Variants in PRKRA observed in about 807,000 individuals in gnomAD.
PRKRA encodes interferon-inducible double-stranded RNA-dependent protein kinase activator A.
PRKRA carries 22 observed loss-of-function variants against 32.4 expected under a neutral mutation model. The ratio of observed to expected loss-of-function variants is 0.68; its 90% CI spans 0.49 to 0.97. The LOEUF is 0.97. PRKRA is among the 50% of genes least tolerant of loss of function. The pLI, the probability that PRKRA is intolerant of heterozygous loss-of-function variation, is 0.00. For missense variants in PRKRA, 319 were observed against 375.6 expected, an observed-to-expected ratio of 0.85 and a Z score of 1.25; for synonymous variants, 139 against 129.8, an observed-to-expected ratio of 1.07 and a Z score of -0.48.
intron 6 of PRKRA, among the ~76,000 whole-genome samples, chr2:178,438,248 T>C (rs1696981034): frequency 6.6e-6 from 1 of 152,362 alleles, no homozygotes; most frequent in Admixed American, 6.5e-5. Flanking sequence ...GTTTCAAATT[T>C]TTATGTTCAA....
At chr2:178,445,157 T>C (rs1697268917) in intron 3 of PRKRA, among the ~76,000 whole-genome samples, 1 of 152,206 alleles carries the variant, frequency 6.6e-6, no homozygotes, top group African/African-American at 2.4e-5. Flanking sequence ...AATAGATGGC[T>C]TAGATGAATT....
chr2:178,441,792 A>G (rs1247768474), intron 5 of PRKRA, 88 bp from the exon 6 acceptor site: 44 of 836,810 alleles, frequency 5.3e-5, no homozygotes, highest in Non-Finnish European at 6.4e-5. Flanking sequence ...GTGTTTAATC[A>G]GAGAACCTCA....
At chr2:178,435,984 C>T (rs1223377472) in intron 7 of PRKRA, among the ~76,000 whole-genome samples, 161 bp downstream of exon 7, 1 of 152,138 alleles carries the variant, frequency 6.6e-6, no homozygotes, top group Non-Finnish European at 1.5e-5. Context: ...TGGGACATAT[C>T]AATTATATAT....
At chr2:178,446,131 C>T (rs1697305899) in intron 3 of PRKRA, among the ~76,000 whole-genome samples, 1 of 152,102 alleles carries the variant, frequency 6.6e-6, no homozygotes, top group Admixed American at 6.5e-5. Flanking sequence ...TTTTGTGCCT[C>T]AGCCACCCAA....
chr2:178,435,836 T>TA (rs1696869097), intron 7 of PRKRA, among the ~76,000 whole-genome samples: 1 of 152,242 alleles, frequency 6.6e-6, no homozygotes, highest in South Asian at 2.1e-4. Flanking sequence ...ATTTGCTTCA[T>TA]AGAGTTAGTC....
intron 3 of PRKRA, among the ~76,000 whole-genome samples, 158 bp from the exon 4 acceptor site, chr2:178,444,658 G>A (rs559059299): frequency 2.0e-5 from 3 of 151,604 alleles, no homozygotes; most frequent in East Asian, 1.9e-4. Context: ...GAATCTGATC[G>A]GTCATCCAAG....
In PRKRA at chr2:178,441,887, C is replaced by CTT. The variant is rs541455452; in HGVS notation, c.515-185_515-184dup. On this transcript the variant is annotated intron_variant, in intron 5 of 7. Coordinates refer to ENST00000325748, the MANE Select transcript of PRKRA (RefSeq NM_003690.5). Reference sequence around the variant, plus strand: ...TATTTTGTTTGTATAGCTATTAATTCTTTTTTTTTTTTTTTTTGAGACGGA... The same window carrying CTT: ...TATTTTGTTTGTATAGCTATTAATTCTTTTTTTTTTTTTTTTTTTGAGACGGA... Among the ~76,000 whole-genome samples, 1,978 of 131,710 alleles carry CTT rather than the reference C, an allele frequency of 0.015. 67 individuals are homozygous for CTT. Among genetic ancestry groups the CTT allele is most frequent in the African/African-American group, 0.05 (1,738 of 34,770 alleles). 86.4% of individuals were successfully genotyped at this position (131,710 alleles called of 152,430 possible).
intron 3 of PRKRA, among the ~76,000 whole-genome samples, chr2:178,445,119 C>G (rs1261940614): frequency 6.6e-6 from 1 of 152,198 alleles, no homozygotes; most frequent in Non-Finnish European, 1.5e-5. Context: ...TGGGATAATC[C>G]TCTAAGATTT....
intron 2 of PRKRA, among the ~76,000 whole-genome samples, chr2:178,449,693 A>C (rs1473499316): frequency 6.6e-6 from 1 of 152,242 alleles, no homozygotes; most frequent in East Asian, 1.9e-4. Context: ...ATAATATACA[A>C]AATATCTGTT....
At chr2:178,444,342 A>G (rs551544379) in intron 4 of PRKRA, 80 bp downstream of exon 4, 2 of 928,018 alleles carry the variant, frequency 2.2e-6, no homozygotes, top group African/African-American at 3.7e-5. Context: ...TCTTTAAAAT[A>G]TTAATTCCTT....
In PRKRA at chr2:178,443,371, T is replaced by C; in HGVS notation, c.410A>G (p.His137Arg). ...ATATTCAGGAAGTCTCCAGCCATGA[T>C]GAATAGCCAATTCCTATAAAATCAA... is the stretch of plus-strand genomic sequence containing the variant. ...PIGSLQELAI[H>R]HGWRLPEYTL... The change falls in exon 5 of 8, where the codon CAT becomes CGT. Residue 137 changes from histidine to arginine, a missense_variant. Coordinates refer to ENST00000325748, the MANE Select transcript of PRKRA (RefSeq NM_003690.5). 1 of 1,607,804 alleles carries C rather than the reference T, an allele frequency of 6.2e-7. No homozygotes were observed. Among genetic ancestry groups the C allele is most frequent in the South Asian group, 1.1e-5 (1 of 90,914 alleles).
In PRKRA at chr2:178,443,315, T is replaced by A; in HGVS notation, c.466A>T (p.Lys156Ter). The A allele has an allele frequency of 6.2e-7, 1 of 1,613,194 alleles. No individual in the cohort carries two copies. The highest frequency in any genetic ancestry group is 8.5e-7 in the Non-Finnish European group (1 of 1,179,192). ...CTGCAAATTGTAGTATATTCTCTCT[T>A]ATGAGCAGGTCCTCCCTCCTGGGAA... ...TLSQEGGPAHKREYTTICRLE... is the reference protein window; with the variant it reads ...TLSQEGGPAH Residue 156 changes from lysine to a stop codon, truncating the protein, a stop_gained, in exon 5 of 8, where the codon AAG becomes TAG. Coordinates refer to ENST00000325748, the MANE Select transcript of PRKRA (RefSeq NM_003690.5). LOFTEE classifies it high-confidence loss of function.
At position 178,451,122 on chromosome 2, in the gene PRKRA, C is replaced by G; in HGVS notation, c.-92G>C. On this transcript the variant is annotated 5_prime_UTR_variant, in exon 1 of 8. Coordinates refer to ENST00000325748, the MANE Select transcript of PRKRA (RefSeq NM_003690.5). Reference sequence around the variant, plus strand: ...CGCTGGTCCCCGGGAGGAGCTCCAGCGCCGCCACCTCCTCCGACTCCCCCG... The same window carrying G: ...CGCTGGTCCCCGGGAGGAGCTCCAGGGCCGCCACCTCCTCCGACTCCCCCG... 7.1e-7 allele frequency: 1 copy of G among 1,405,812 alleles called. No individual in the cohort carries two copies. The highest frequency in any genetic ancestry group is 9.5e-7 in the Non-Finnish European group (1 of 1,048,702). The allele number at this position is 1,405,812 out of a possible 1,614,324, so 87.1% of individuals were successfully genotyped here. A position where few individuals can be genotyped will look rare whatever the true frequency, so the allele number is the denominator to read the frequency against.
chr2:178,431,750 AAAG>A lies in PRKRA; in HGVS notation c.*344_*346del, dbSNP rs1241110425. The A allele has an allele frequency of 8.9e-6, 3 of 335,450 alleles. No homozygotes were observed. Among genetic ancestry groups the A allele is most frequent in the Non-Finnish European group, 1.1e-5 (2 of 176,586 alleles). 20.8% of individuals were successfully genotyped at this position (335,450 alleles called of 1,614,324 possible). On this transcript the variant is annotated 3_prime_UTR_variant, in exon 8 of 8. Coordinates refer to ENST00000325748, the MANE Select transcript of PRKRA (RefSeq NM_003690.5). ...GAATTCCCTTTATAAAGCTTTGTGC[AAAG>A]AAGAGCTTAAGCACCAGTAAGAAAG...
Position 178,444,627 on chromosome 2 carries a change from T to G in PRKRA, c.318-127A>C, listed in dbSNP as rs887777075. The G allele has an allele frequency of 3.9e-5, 30 of 760,572 alleles. 1 individual carries two copies. Among genetic ancestry groups the G allele is most frequent in the Non-Finnish European group, 4.3e-5 (19 of 442,232 alleles). The allele number at this position is 760,572 out of a possible 1,614,324, so 47.1% of individuals were successfully genotyped here. ...TCATTCCTTCTACATGGAATGCCCT[T>G]TTCTCAGACCTCTTCTATGGGAATC... is the stretch of plus-strand genomic sequence containing the variant. On this transcript the variant is annotated intron_variant, in intron 3 of 7. Coordinates refer to ENST00000325748, the MANE Select transcript of PRKRA (RefSeq NM_003690.5).
At position 178,451,077 on chromosome 2, in the gene PRKRA, G is replaced by C. The variant is rs764765813; in HGVS notation, c.-47C>G. The C allele has an allele frequency of 1.2e-5, 19 of 1,534,568 alleles. No homozygotes were observed. Among genetic ancestry groups the C allele is most frequent in the Non-Finnish European group, 1.6e-5 (18 of 1,144,318 alleles). On this transcript the variant is annotated 5_prime_UTR_variant, in exon 1 of 8. Transcript: ENST00000325748. ...GGCTGGAGGAAGAGCGGTGCGGAGCGACGTGCTCGCTCCCCGGGTCGCTGG... is the reference window on the plus strand; with the variant it reads ...GGCTGGAGGAAGAGCGGTGCGGAGCCACGTGCTCGCTCCCCGGGTCGCTGG...
chr2:178,442,868 A>G (rs920722745), intron 5 of PRKRA, among the ~76,000 whole-genome samples: 1 of 152,210 alleles, frequency 6.6e-6, no homozygotes, highest in African/African-American at 2.4e-5. Flanking sequence ...TTTGCCATGT[A>G]GTCTCTTATT....
chr2:178,444,648 G>A, intron 3 of PRKRA, 148 bp from the exon 4 acceptor site: 1 of 688,378 alleles, frequency 1.5e-6, no homozygotes, highest in Non-Finnish European at 2.6e-6. Context: ...TCTTCTATGG[G>A]AATCTGATCG....
intron 3 of PRKRA, among the ~76,000 whole-genome samples, chr2:178,446,387 G>A (rs1697313751): frequency 6.6e-6 from 1 of 152,158 alleles, no homozygotes. Context: ...GCTTGTCTTG[G>A]GCAGCTGCTT....
Sources: allele counts gnomAD v4.1 joint callset (sites outside exome capture counted in the v4.1 genomes callset), GRCh38; gene constraint gnomAD v4.1.1; transcripts MANE v1.5; gene names NCBI Gene and HGNC (gene_info 2026-07-23, HGNC 2026-07-21).